EYS: variants seen among roughly 807,000 people sequenced by gnomAD.
EYS encodes EGF-like photoreceptor maintenance factor.
In EYS, 250 loss-of-function variants were observed where a neutral mutation model predicts 282.1. That is an observed-to-expected ratio of 0.89 (90% CI 0.80 to 0.98). The LOEUF (loss-of-function observed/expected upper bound fraction) is 0.98, where lower values mean the gene tolerates loss of function less well. Among genes scored for constraint, EYS ranks in the 50% least tolerant of loss-of-function variants. The probability of loss-of-function intolerance (pLI) is 0.00; values close to 1 mark genes in which losing one functional copy is unlikely to be tolerated. For missense variants in EYS, 4,016 were observed against 3,709.0 expected, an observed-to-expected ratio of 1.08 and a Z score of -2.15; for synonymous variants, 1,355 against 1,282.9, an observed-to-expected ratio of 1.06 and a Z score of -1.20.
chr6:64,486,096 A>G (rs1776574007), intron 26 of EYS, among the ~76,000 whole-genome samples: 1 of 151,440 alleles, frequency 6.6e-6, no homozygotes, highest in Non-Finnish European at 1.5e-5. Flanking sequence ...AGAGAATCTC[A>G]AAATTCTGTG....
chr6:64,518,375 G>A (rs1777625813), intron 26 of EYS, among the ~76,000 whole-genome samples: 1 of 151,646 alleles, frequency 6.6e-6, no homozygotes. Context: ...GGATCTTAGT[G>A]GATGCTGCTC....
chr6:64,536,024 T>C (rs924894429), intron 26 of EYS, among the ~76,000 whole-genome samples: 5 of 152,082 alleles, frequency 3.3e-5, no homozygotes, highest in African/African-American at 1.2e-4. Context: ...CTGATGAGAA[T>C]ATGAATTTTT....
chr6:65,102,132 C>G (rs1297253210), intron 12 of EYS, among the ~76,000 whole-genome samples: 1 of 151,320 alleles, frequency 6.6e-6, no homozygotes, highest in African/African-American at 2.4e-5. Context: ...ATAGAAAAAA[C>G]TATCTTTGAA....
intron 31 of EYS, among the ~76,000 whole-genome samples, chr6:64,157,442 G>C (rs1774964627): frequency 6.6e-6 from 1 of 152,140 alleles, no homozygotes; most frequent in South Asian, 2.1e-4. Context: ...TAAGTGACAA[G>C]GAGCCAAATA....
At chr6:65,150,101 G>T (rs747083233) in intron 12 of EYS, among the ~76,000 whole-genome samples, 7 of 151,994 alleles carry the variant, frequency 4.6e-5, no homozygotes, top group African/African-American at 1.4e-4. Flanking sequence ...TCCTTCCCAT[G>T]ACACATGGGG....
At chr6:65,591,532 T>C (rs1765233688) in intron 2 of EYS, among the ~76,000 whole-genome samples, 2 of 152,012 alleles carry the variant, frequency 1.3e-5, no homozygotes, top group Non-Finnish European at 2.9e-5. Flanking sequence ...TCTTTCTAGT[T>C]CTTGGTTTAT....
At chr6:64,431,094 G>A (rs1774562911) in intron 28 of EYS, among the ~76,000 whole-genome samples, 1 of 151,992 alleles carries the variant, frequency 6.6e-6, no homozygotes, top group Non-Finnish European at 1.5e-5. Context: ...TGACTTTAGG[G>A]AGAGAACCAA....
chr6:64,866,283 T>C (rs1766422851), intron 19 of EYS, among the ~76,000 whole-genome samples: 1 of 151,922 alleles, frequency 6.6e-6, no homozygotes, highest in African/African-American at 2.4e-5. Flanking sequence ...TTTAGGGAAA[T>C]ATTTAATACA....
chr6:65,181,774 C>T (rs1208164088), intron 12 of EYS, among the ~76,000 whole-genome samples: 1 of 152,032 alleles, frequency 6.6e-6, no homozygotes, highest in African/African-American at 2.4e-5. Context: ...TTTATTGCGG[C>T]ACTATTCACA....
chr6:63,976,853 A>G (rs1030364376), intron 35 of EYS, among the ~76,000 whole-genome samples: 2 of 151,996 alleles, frequency 1.3e-5, no homozygotes, highest in African/African-American at 2.4e-5. Flanking sequence ...TAATTTTGTG[A>G]TCTTTTATAA....
chr6:64,051,335 T>G (rs1274206175), intron 33 of EYS, among the ~76,000 whole-genome samples: 5 of 152,136 alleles, frequency 3.3e-5, no homozygotes, highest in African/African-American at 1.2e-4. Context: ...GAAGATAAAT[T>G]TATAGAGTTA....
At chr6:63,973,925 T>A (rs1766709347) in intron 35 of EYS, among the ~76,000 whole-genome samples, 1 of 151,656 alleles carries the variant, frequency 6.6e-6, no homozygotes, top group Non-Finnish European at 1.5e-5. Context: ...GTTAAGCAGT[T>A]TTCTTAAGGT....
intron 12 of EYS, among the ~76,000 whole-genome samples, chr6:65,119,630 C>T (rs867411703): frequency 3.8e-4 from 51 of 135,296 alleles, no homozygotes; most frequent in African/African-American, 5.6e-4. Context: ...GCCTTTTTAT[C>T]TTTTTTTTTT....
At chr6:64,980,685 A>G (rs1770630621) in intron 14 of EYS, among the ~76,000 whole-genome samples, 1 of 151,400 alleles carries the variant, frequency 6.6e-6, no homozygotes. Context: ...ATATAAGAAT[A>G]TCAAGGGAAA....
intron 29 of EYS, among the ~76,000 whole-genome samples, chr6:64,377,254 A>C (rs1486470201): frequency 6.6e-6 from 1 of 152,198 alleles, no homozygotes; most frequent in East Asian, 1.9e-4. Context: ...AGGAGCGTCC[A>C]TAGATAGTGA....
At chr6:65,056,878 G>C (rs1249643005) in intron 13 of EYS, among the ~76,000 whole-genome samples, 2 of 151,864 alleles carry the variant, frequency 1.3e-5, no homozygotes, top group Non-Finnish European at 2.9e-5. Context: ...TCATTTAACA[G>C]TGAGAAAGTT....
intron 12 of EYS, among the ~76,000 whole-genome samples, chr6:65,177,529 T>C (rs1765256025): frequency 6.6e-6 from 1 of 151,876 alleles, no homozygotes; most frequent in Admixed American, 6.6e-5. Flanking sequence ...GATTATGCTA[T>C]ATATATTCTT....
intron 19 of EYS, among the ~76,000 whole-genome samples, chr6:64,837,611 G>T (rs1357854706): frequency 6.8e-6 from 1 of 146,090 alleles, no homozygotes; most frequent in African/African-American, 2.5e-5. Context: ...TGATATATAT[G>T]ATATATGATA....
At chr6:65,020,585 T>A (rs1042775615) in intron 13 of EYS, among the ~76,000 whole-genome samples, 3 of 152,150 alleles carry the variant, frequency 2.0e-5, no homozygotes, top group African/African-American at 7.2e-5. Context: ...AGGGGCACGG[T>A]GCAAGCTGTC....
Sources: allele counts gnomAD v4.1 joint callset (sites outside exome capture counted in the v4.1 genomes callset), GRCh38; gene constraint gnomAD v4.1.1; transcripts MANE v1.5; gene names NCBI Gene and HGNC (gene_info 2026-07-23, HGNC 2026-07-21).